The following ARL17A variants were observed in gnomAD, a reference collection of about 807,000 sequenced individuals.
The protein encoded by ARL17A is ARF like GTPase 17A.
rs2057250686 is a variant in ARL17A, at chr17:46,555,959, GA to G, written c.*1396del. The G allele has an allele frequency of 5.0e-6, 1 of 198,652 alleles. No homozygotes were observed. The highest frequency in any genetic ancestry group is 6.0e-6 in the Non-Finnish European group (1 of 165,860). The allele number at this position is 198,652 out of a possible 1,614,324, so 12.3% of individuals were successfully genotyped here. ...AGTGTGGGACAGCATGGTGGCAGTG[GA>G]ACCAGCCGTGGTTCTGCTCTTGGTC... On this transcript the variant is annotated 3_prime_UTR_variant, in exon 4 of 4. Transcript: ENST00000336125.
At chr17:46,504,914 AATTT>A in the ARL17A span, among the ~76,000 whole-genome samples, 3 of 122,156 alleles carry the variant, frequency 2.5e-5, no homozygotes, top group East Asian at 3.1e-4. Context: ...TTAATTAATA[AATTT>A]ATTTAATAAA....
chr17:46,505,893 TC>T, the ARL17A span, among the ~76,000 whole-genome samples: 1 of 96,328 alleles, frequency 1.0e-5, no homozygotes, highest in African/African-American at 5.1e-5. Flanking sequence ...AACCTCCACC[TC>T]CCAGGTTCAA....
intron 4 of ARL17A, among the ~76,000 whole-genome samples, chr17:46,530,686 G>GAATT (rs2053566665): frequency 3.0e-5 from 2 of 66,004 alleles, no homozygotes; most frequent in African/African-American, 1.2e-4. Context: ...ACAATTCAGT[G>GAATT]GTGGTTAGTA....
At chr17:46,530,479 G>A (rs1180666777) in intron 4 of ARL17A, among the ~76,000 whole-genome samples, 2 of 132,314 alleles carry the variant, frequency 1.5e-5, no homozygotes, top group Non-Finnish European at 3.2e-5. Flanking sequence ...CACAAGGCAG[G>A]ACAAGCTGTG....
chr17:46,558,547 C>T lies in ARL17A; in HGVS notation c.260-917G>A, dbSNP rs1345250432. Among the ~76,000 whole-genome samples the T allele has an allele frequency of 2.3e-4, 23 of 98,242 alleles. 3 individuals are homozygous for T. Among genetic ancestry groups the T allele is most frequent in the East Asian group, 2.0e-3 (3 of 1,500 alleles). The allele number at this position is 98,242 out of a possible 152,430, so 64.5% of individuals were successfully genotyped here. ...GATTACAGGCACCCACCACCATGCC[C>T]GGCCAATTTTTTTTTTTTTTTTTTT... is the stretch of plus-strand genomic sequence containing the variant. On this transcript the variant is annotated intron_variant, in intron 3 of 3. Transcript: ENST00000336125.
At chr17:46,545,598 G>C (rs1228656009) in intron 3 of ARL17A, among the ~76,000 whole-genome samples, 1 of 127,854 alleles carries the variant, frequency 7.8e-6, no homozygotes, top group Non-Finnish European at 1.6e-5. Flanking sequence ...TTACACTGAC[G>C]GTTGCAAAGT....
At chr17:46,503,163 G>C in the ARL17A span, among the ~76,000 whole-genome samples, 1 of 142,384 alleles carries the variant, frequency 7.0e-6, no homozygotes, top group South Asian at 2.2e-4. Context: ...AGTGAGCCGA[G>C]ATCATGCCAC....
intron 3 of ARL17A, among the ~76,000 whole-genome samples, chr17:46,545,450 TAAA>T (rs1345723772): frequency 9.5e-6 from 1 of 105,258 alleles, no homozygotes. Context: ...AAAATAAAAA[TAAA>T]AAATAATAAT....
intron 4 of ARL17A, among the ~76,000 whole-genome samples, chr17:46,534,043 GCT>G (rs1182884128): frequency 8.3e-6 from 1 of 120,828 alleles, no homozygotes; most frequent in Non-Finnish European, 1.6e-5. Context: ...ACAGGGTCTT[GCT>G]CTGTTACCCA....
At chr17:46,551,051 T>G (rs979469012), downstream of ARL17A, among the ~76,000 whole-genome samples, 1 of 149,924 alleles carries the variant, frequency 6.7e-6, no homozygotes. Flanking sequence ...TTTACAAAAA[T>G]TTTTGGCCAC....
chr17:46,539,768 C>CAAAAA (rs1204528686), intron 3 of ARL17A, among the ~76,000 whole-genome samples: 10 of 67,020 alleles, frequency 1.5e-4, no homozygotes, highest in East Asian at 3.6e-4. Flanking sequence ...GACTCCATCT[C>CAAAAA]AAAAAAAAAA....
chr17:46,535,253 G>A (rs1452718240), intron 4 of ARL17A, among the ~76,000 whole-genome samples: 1 of 147,800 alleles, frequency 6.8e-6, no homozygotes, highest in South Asian at 2.1e-4. Context: ...CCTTGTATGT[G>A]ATGAGTTGCT....
At chr17:46,531,439 ATATT>A (rs2053626861) in intron 4 of ARL17A, among the ~76,000 whole-genome samples, 1 of 93,626 alleles carries the variant, frequency 1.1e-5, no homozygotes, top group African/African-American at 4.8e-5. Flanking sequence ...CTTTGAAGAA[ATATT>A]TATTCACATC....
At chr17:46,534,621 T>C (rs559675189) in intron 4 of ARL17A, among the ~76,000 whole-genome samples, 4 of 148,528 alleles carry the variant, frequency 2.7e-5, no homozygotes, top group African/African-American at 7.8e-5. Flanking sequence ...AGCAACAATC[T>C]GATTTCTGTA....
chr17:46,501,261 C>T, the ARL17A span, among the ~76,000 whole-genome samples: 39 of 151,088 alleles, frequency 2.6e-4, no homozygotes, highest in East Asian at 5.8e-4. Flanking sequence ...CTGCGACCTC[C>T]GCCTCCCGGG....
chr17:46,533,119 G>A (rs942237021), intron 4 of ARL17A, among the ~76,000 whole-genome samples: 2 of 112,620 alleles, frequency 1.8e-5, no homozygotes, highest in East Asian at 2.5e-4. Context: ...TGAACAGTAA[G>A]AAAACAAAAT....
At chr17:46,543,829 A>G (rs561319286) in intron 3 of ARL17A, among the ~76,000 whole-genome samples, 1 of 150,724 alleles carries the variant, frequency 6.6e-6, no homozygotes, top group East Asian at 1.9e-4. Flanking sequence ...GGGGCAGAAA[A>G]AGAATACCAA....
At chr17:46,575,050 C>A (rs1481396552) in intron 2 of ARL17A, among the ~76,000 whole-genome samples, 1 of 81,192 alleles carries the variant, frequency 1.2e-5, no homozygotes, top group Non-Finnish European at 3.3e-5. Context: ...GAGCCGAGAT[C>A]GCGCCACTGT....
chr17:46,548,554 C>G (rs749300602), downstream of ARL17A: 1 of 1,494,292 alleles, frequency 6.7e-7, no homozygotes, highest in Non-Finnish European at 9.1e-7. Context: ...ATCACTGTTA[C>G]TACCGTTCAT....
Sources: allele counts gnomAD v4.1 joint callset (sites outside exome capture counted in the v4.1 genomes callset), GRCh38; gene constraint gnomAD v4.1.1; transcripts MANE v1.5; gene names NCBI Gene and HGNC (gene_info 2026-07-23, HGNC 2026-07-21).